TMEM225B: variants seen among roughly 807,000 people sequenced by gnomAD.
The protein encoded by TMEM225B is transmembrane protein 225-like.
Under a neutral mutation model 16.9 loss-of-function variants are expected in TMEM225B, and 10 were observed. That is an observed-to-expected ratio of 0.59 (90% CI 0.36 to 1.00). The LOEUF (loss-of-function observed/expected upper bound fraction) is 1.00. TMEM225B is among the 50% of genes least tolerant of loss of function. The probability of loss-of-function intolerance (pLI) is 0.01; values close to 1 mark genes in which losing one functional copy is unlikely to be tolerated. For missense variants in TMEM225B, 217 were observed against 267.0 expected, an observed-to-expected ratio of 0.81 and a Z score of 1.30; for synonymous variants, 92 against 109.8, an observed-to-expected ratio of 0.84 and a Z score of 1.01.
intron 5 of TMEM225B, 92 bp downstream of exon 5, chr7:99,607,902 A>G: frequency 7.3e-7 from 1 of 1,376,798 alleles, no homozygotes; most frequent in Non-Finnish European, 9.7e-7. Flanking sequence ...ATTCTCTAGA[A>G]TTGCACTGTT....
chr7:99,609,951 G>A (rs573804970), intron 5 of TMEM225B, among the ~76,000 whole-genome samples: 1 of 151,996 alleles, frequency 6.6e-6, no homozygotes, highest in Non-Finnish European at 1.5e-5. Flanking sequence ...CGCCCATGAT[G>A]AGTCTCGAAC....
intron 1 of TMEM225B, among the ~76,000 whole-genome samples, chr7:99,598,887 G>A (rs1407271102): frequency 1.3e-5 from 2 of 152,214 alleles, no homozygotes; most frequent in Non-Finnish European, 2.9e-5. Flanking sequence ...TGCCAAGCCA[G>A]TGGTCCTCAG....
intron 2 of TMEM225B, among the ~76,000 whole-genome samples, chr7:99,603,385 G>C (rs1424712524): frequency 6.6e-6 from 1 of 152,172 alleles, no homozygotes; most frequent in African/African-American, 2.4e-5. Flanking sequence ...AGTAGAGGTG[G>C]CTGTTGATAG....
intron 4 of TMEM225B, among the ~76,000 whole-genome samples, chr7:99,607,398 T>G (rs1412974539): frequency 1.3e-5 from 2 of 152,066 alleles, no homozygotes; most frequent in Non-Finnish European, 1.5e-5. Context: ...TAATCCAAAG[T>G]GTTGCACCCT....
rs540562808 is a variant in TMEM225B, at chr7:99,607,849, G to C, written c.493+39G>C. The C allele has an allele frequency of 2.6e-6, 4 of 1,527,434 alleles. No individual in the cohort carries two copies. In the Admixed American group the frequency reaches 8.0e-5, roughly 31 times the overall value. 94.6% of individuals were successfully genotyped at this position (1,527,434 alleles called of 1,614,324 possible). A position where few individuals can be genotyped will look rare whatever the true frequency, so the allele number is the denominator to read the frequency against. ...GAACAGTGCCCTGCTTCTTGTCCTC[G>C]GTCTGGATTTAGGAACCTGTCTTGT... On this transcript the variant is annotated intron_variant, in intron 5 of 5. Transcript: ENST00000431679.
chr7:99,605,688 C>G (rs899590400), intron 3 of TMEM225B: 1 of 152,390 alleles, frequency 6.6e-6, no homozygotes, highest in Admixed American at 6.5e-5. Flanking sequence ...CTCCTCAGCT[C>G]AAGTGATCCT....
rs748445002 is a variant in TMEM225B at position 99,610,486 on chromosome 7, T to C, written c.587T>C (p.Leu196Pro). 12 of 1,536,010 alleles carry C rather than the reference T, an allele frequency of 7.8e-6. No homozygotes were observed. The highest frequency in any genetic ancestry group is 9.6e-6 in the Non-Finnish European group (11 of 1,146,922). ...SMEEDHGSLY[L>P]DNLESLGGEP... ...GAGGAGGACCACGGGAGCCTGTACC[T>C]GGACAATCTGGAGAGTTTGGGAGGA... is the stretch of plus-strand genomic sequence containing the variant. The change falls in exon 6 of 6, where the codon CTG becomes CCG. Residue 196 changes from leucine (L) to proline (P), a missense_variant. Physicochemically the swap from Leu to Pro is moderately conservative, Grantham distance 98 (BLOSUM62 -3). Transcript: ENST00000431679.
In TMEM225B at chr7:99,604,593, T is replaced by C. The variant is rs977862672; in HGVS notation, c.205T>C (p.Ser69Pro). The C allele has an allele frequency of 1.3e-6, 2 of 1,535,326 alleles. No individual in the cohort carries two copies. Among genetic ancestry groups the C allele is most frequent in the Non-Finnish European group, 1.7e-6 (2 of 1,146,520 alleles). Residue 69 changes from serine (S) to proline (P), a missense_variant, in exon 3 of 6, where the codon TCC becomes CCC. Physicochemically the swap from Ser to Pro is moderately conservative, Grantham distance 74. Transcript: ENST00000431679. ...NAKCWKPRPL[S>P]IYIILGRVFL... ...CAAATGCTGGAAGCCTCGACCCTTA[T>C]CCAGTAAGGAGGGATGGAGGCGGGG...
At chr7:99,608,342 A>G (rs1805996236) in intron 5 of TMEM225B, among the ~76,000 whole-genome samples, 1 of 152,140 alleles carries the variant, frequency 6.6e-6, no homozygotes, top group South Asian at 2.1e-4. Flanking sequence ...TCCAGTGGCT[A>G]TTGGACACTG....
At chr7:99,598,886 A>G in intron 1 of TMEM225B, among the ~76,000 whole-genome samples, 1 of 152,164 alleles carries the variant, frequency 6.6e-6, no homozygotes, top group East Asian at 1.9e-4. Flanking sequence ...CTGCCAAGCC[A>G]GTGGTCCTCA....
intron 5 of TMEM225B, among the ~76,000 whole-genome samples, 182 bp from the exon 6 acceptor site, chr7:99,610,211 A>G (rs998662877): frequency 1.3e-5 from 2 of 151,506 alleles, no homozygotes; most frequent in Non-Finnish European, 2.9e-5. Flanking sequence ...TGGGTCTGTG[A>G]TTTTATACAT....
chr7:99,600,432 G>A (rs1245195775), intron 2 of TMEM225B, 147 bp downstream of exon 2: 4 of 634,950 alleles, frequency 6.3e-6, no homozygotes, highest in African/African-American at 5.5e-5. Context: ...GAACCCAGGT[G>A]TATTAGTCTG....
At chr7:99,609,990 G>A (rs1806204476) in intron 5 of TMEM225B, among the ~76,000 whole-genome samples, 1 of 152,090 alleles carries the variant, frequency 6.6e-6, no homozygotes, top group Non-Finnish European at 1.5e-5. Context: ...CTCCTGTCTC[G>A]GCTTCCCAAA....
intron 1 of TMEM225B, among the ~76,000 whole-genome samples, chr7:99,599,210 C>T (rs1319538213): frequency 6.7e-6 from 1 of 148,406 alleles, no homozygotes. Flanking sequence ...CTCCTGATCT[C>T]GTGATCCACC....
chr7:99,609,666 C>T (rs185107286), intron 5 of TMEM225B, among the ~76,000 whole-genome samples: 48 of 152,064 alleles, frequency 3.2e-4, no homozygotes, highest in African/African-American at 1.0e-3. Flanking sequence ...GAACTCCTGA[C>T]CTTGTGATCC....
At position 99,607,776 on chromosome 7, in the gene TMEM225B, G is replaced by A; in HGVS notation, c.459G>A (p.Val153=). The A allele has an allele frequency of 6.5e-7, 1 of 1,536,124 alleles. No homozygotes were observed. The highest frequency in any genetic ancestry group is 8.7e-7 in the Non-Finnish European group (1 of 1,146,902). ...TCTCCGTGCTGTGGCCTTACTACGTGCTGGGCTTCGGCATCTTTCTGTTCA... is the reference window on the plus strand; with the variant it reads ...TCTCCGTGCTGTGGCCTTACTACGTACTGGGCTTCGGCATCTTTCTGTTCA... ...LQFSVLWPYY[V]LGFGIFLFIV... Residue 153 remains valine, a synonymous_variant, in exon 5 of 6, where the codon GTG becomes GTA. Coordinates refer to ENST00000431679, the MANE Select transcript of TMEM225B (RefSeq NM_001195541.3).
At chr7:99,598,220 G>GCTC (rs1804999855), upstream of TMEM225B, 2 of 152,306 alleles carry the variant, frequency 1.3e-5, no homozygotes, top group South Asian at 2.1e-4. Flanking sequence ...GGCTCAGTGG[G>GCTC]CTCCTCCCCC....
intron 3 of TMEM225B, 132 bp downstream of exon 3, chr7:99,604,728 T>G (rs756664935): frequency 9.4e-6 from 7 of 747,588 alleles, no homozygotes; most frequent in Non-Finnish European, 1.5e-5. Flanking sequence ...ATGCGGTGGC[T>G]TGCACTTGTA....
intron 2 of TMEM225B, among the ~76,000 whole-genome samples, chr7:99,601,002 AAGGT>A (rs1363937433): frequency 6.6e-6 from 1 of 152,154 alleles, no homozygotes; most frequent in East Asian, 1.9e-4. Context: ...GAGAGAAAAA[AAGGT>A]AGAAAATAAA....
Sources: gnomAD v4.1 joint callset for allele counts (sites outside exome capture counted in the v4.1 genomes callset) on GRCh38, gnomAD v4.1.1 for gene constraint, MANE v1.5 for transcripts, NCBI Gene and HGNC (gene_info 2026-07-23, HGNC 2026-07-21) for gene names.